The following CADPS2 variants were observed in gnomAD, a reference collection of about 807,000 sequenced individuals.
The protein encoded by CADPS2 is calcium dependent secretion activator 2.
Under a neutral mutation model 172.5 loss-of-function variants are expected in CADPS2, and 93 were observed. That is an observed-to-expected ratio of 0.54 (90% CI 0.46 to 0.64). The LOEUF (loss-of-function observed/expected upper bound fraction) is 0.64, where lower values mean the gene tolerates loss of function less well. CADPS2 is among the 30% of genes least tolerant of loss of function. The pLI, the probability that CADPS2 is intolerant of heterozygous loss-of-function variation, is 0.00. For missense variants in CADPS2, 1,420 were observed against 1,565.9 expected, an observed-to-expected ratio of 0.91 and a Z score of 1.57; for synonymous variants, 546 against 555.2, an observed-to-expected ratio of 0.98 and a Z score of 0.23.
At chr7:122,739,883 C>T (rs998239512) in intron 1 of CADPS2, among the ~76,000 whole-genome samples, 2 of 151,964 alleles carry the variant, frequency 1.3e-5, no homozygotes, top group African/African-American at 4.8e-5. Flanking sequence ...AAGAAACAGA[C>T]CGAAATACAA....
chr7:122,723,966 A>T (rs550318833), intron 2 of CADPS2, among the ~76,000 whole-genome samples: 66 of 149,532 alleles, frequency 4.4e-4, no homozygotes, highest in African/African-American at 1.5e-3. Flanking sequence ...CTCATAGGTG[A>T]GAACTGAACA....
chr7:122,763,105 A>G (rs1242371386), intron 1 of CADPS2, among the ~76,000 whole-genome samples: 1 of 152,194 alleles, frequency 6.6e-6, no homozygotes, highest in Non-Finnish European at 1.5e-5. Flanking sequence ...ATGATATGGG[A>G]AAATTAATGA....
chr7:122,734,376 A>AAAG (rs2091964899), intron 2 of CADPS2, among the ~76,000 whole-genome samples: 4 of 95,444 alleles, frequency 4.2e-5, no homozygotes, highest in Non-Finnish European at 9.5e-5. Context: ...AAAAAAAAAA[A>AAAG]AAAAAAAAAA....
At chr7:122,817,784 C>T (rs550559706) in intron 1 of CADPS2, among the ~76,000 whole-genome samples, 143 of 152,054 alleles carry the variant, frequency 9.4e-4, no homozygotes, top group Non-Finnish European at 1.8e-3. Context: ...ATTACCCCAA[C>T]CTCGTATCTC....
chr7:122,509,296 G>A (rs1163029494), intron 9 of CADPS2, among the ~76,000 whole-genome samples: 2 of 152,140 alleles, frequency 1.3e-5, no homozygotes, highest in Non-Finnish European at 2.9e-5. Flanking sequence ...CAGCAGGTAT[G>A]GATCACTCTG....
chr7:122,869,267 A>G (rs1006721112), intron 1 of CADPS2, among the ~76,000 whole-genome samples: 23 of 152,142 alleles, frequency 1.5e-4, no homozygotes, highest in African/African-American at 4.6e-4. Context: ...TCAAATTGTT[A>G]TAAATAAGTT....
At chr7:122,679,212 T>TTCCCCAGTA (rs1220136673) in intron 2 of CADPS2, among the ~76,000 whole-genome samples, 1 of 132,182 alleles carries the variant, frequency 7.6e-6, no homozygotes, top group Non-Finnish European at 1.5e-5. Context: ...ACTGAATTCT[T>TTCCCCAGTA]TCCCCAGTAA....
intron 19 of CADPS2, 74 bp downstream of exon 19, chr7:122,413,994 G>C (rs978965835): frequency 2.0e-5 from 25 of 1,235,952 alleles, no homozygotes; most frequent in South Asian, 6.4e-5. Flanking sequence ...ACTACAATCA[G>C]AGTAGATTGT....
intron 3 of CADPS2, among the ~76,000 whole-genome samples, chr7:122,644,213 C>G (rs745914579): frequency 1.3e-5 from 2 of 152,176 alleles, no homozygotes; most frequent in Non-Finnish European, 2.9e-5. Flanking sequence ...TCGGGACTTC[C>G]CACATTCTAT....
intron 1 of CADPS2, among the ~76,000 whole-genome samples, chr7:122,828,234 T>A (rs898898681): frequency 2.0e-5 from 3 of 147,346 alleles, no homozygotes. Context: ...GGTGTTGATA[T>A]AACCATTTCT....
At chr7:122,448,569 A>G (rs1397579646) in intron 15 of CADPS2, among the ~76,000 whole-genome samples, 1 of 152,162 alleles carries the variant, frequency 6.6e-6, no homozygotes, top group Non-Finnish European at 1.5e-5. Flanking sequence ...AATACAATAA[A>G]TGACGTGGAC....
At chr7:122,571,648 A>G (rs953669125) in intron 7 of CADPS2, among the ~76,000 whole-genome samples, 3 of 152,172 alleles carry the variant, frequency 2.0e-5, no homozygotes, top group African/African-American at 7.2e-5. Flanking sequence ...CTAATTAGAA[A>G]GAATTTGCAT....
chr7:122,737,407 A>T (rs1461861783), intron 1 of CADPS2, among the ~76,000 whole-genome samples: 1 of 152,136 alleles, frequency 6.6e-6, no homozygotes, highest in African/African-American at 2.4e-5. Flanking sequence ...TATTTTTAGT[A>T]GAGATGTTGG....
At chr7:122,577,312 A>G (rs1452255335) in intron 7 of CADPS2, among the ~76,000 whole-genome samples, 3 of 152,124 alleles carry the variant, frequency 2.0e-5, no homozygotes, top group Non-Finnish European at 4.4e-5. Flanking sequence ...CCTTCACTCT[A>G]AAAGTCCCCT....
At chr7:122,353,591 C>A (rs560140472) in intron 27 of CADPS2, among the ~76,000 whole-genome samples, 19 of 152,234 alleles carry the variant, frequency 1.2e-4, no homozygotes, top group African/African-American at 4.6e-4. Flanking sequence ...GTTAATAAGA[C>A]CATTTTAAAT....
intron 1 of CADPS2, among the ~76,000 whole-genome samples, chr7:122,825,671 C>A (rs945504475): frequency 2.0e-5 from 3 of 152,020 alleles, no homozygotes; most frequent in East Asian, 3.9e-4. Flanking sequence ...TTTATCTTTA[C>A]ATTCTTTAAC....
intron 27 of CADPS2, among the ~76,000 whole-genome samples, chr7:122,358,421 T>G (rs2039703904): frequency 6.6e-6 from 1 of 152,252 alleles, no homozygotes; most frequent in South Asian, 2.1e-4. Flanking sequence ...GTGGCTTTTC[T>G]TTCTCTTAAC....
intron 3 of CADPS2, among the ~76,000 whole-genome samples, chr7:122,632,817 T>G (rs1328372693): frequency 6.6e-6 from 1 of 152,230 alleles, no homozygotes; most frequent in African/African-American, 2.4e-5. Context: ...TTTAGAATTT[T>G]TAAACTTTGA....
At chr7:122,379,623 T>C (rs1247917521) in intron 24 of CADPS2, 181 bp from the exon 25 acceptor site, 4 of 543,142 alleles carry the variant, frequency 7.4e-6, no homozygotes, top group Non-Finnish European at 1.3e-5. Context: ...TACATTGTGG[T>C]TTGAAAATTT....
Sources: gnomAD v4.1 joint callset for allele counts (sites outside exome capture counted in the v4.1 genomes callset) on GRCh38, gnomAD v4.1.1 for gene constraint, MANE v1.5 for transcripts, NCBI Gene and HGNC (gene_info 2026-07-23, HGNC 2026-07-21) for gene names.